JAZF1: variants seen among roughly 807,000 people sequenced by gnomAD.
JAZF1 encodes juxtaposed with another zinc finger protein 1.
Under a neutral mutation model 26.4 loss-of-function variants are expected in JAZF1, and 8 were observed. That is an observed-to-expected ratio of 0.30 (90% confidence interval 0.18 to 0.55). The LOEUF is 0.55. JAZF1 is among the 20% of genes least tolerant of loss of function. The probability of loss-of-function intolerance (pLI) is 0.94; values close to 1 mark genes in which losing one functional copy is unlikely to be tolerated. For synonymous variants in JAZF1, 126 were observed against 122.3 expected (o/e 1.03, Z -0.20); for missense variants, 199 against 322.0 (o/e 0.62, Z 2.92).
chr7:27,930,242 G>A (rs1442465002), intron 2 of JAZF1, among the ~76,000 whole-genome samples: 1 of 152,110 alleles, frequency 6.6e-6, no homozygotes, highest in Non-Finnish European at 1.5e-5. Flanking sequence ...TGATCCGCCC[G>A]CCTTGGCCTC....
chr7:28,047,638 C>T (rs1328492283), intron 1 of JAZF1, among the ~76,000 whole-genome samples: 1 of 151,960 alleles, frequency 6.6e-6, no homozygotes, highest in Non-Finnish European at 1.5e-5. Flanking sequence ...CAGATGAAAA[C>T]AATATTCATT....
chr7:27,898,311 GTT>G (rs370764659), intron 2 of JAZF1, among the ~76,000 whole-genome samples: 2,428 of 111,136 alleles, frequency 0.022, 59 homozygotes, highest in African/African-American at 0.078. Flanking sequence ...ATATACATCG[GTT>G]TTTTTTTTTT....
intron 1 of JAZF1, among the ~76,000 whole-genome samples, chr7:28,099,357 CTTTT>C (rs943815476): frequency 1.4e-5 from 2 of 146,284 alleles, no homozygotes; most frequent in Non-Finnish European, 3.0e-5. Flanking sequence ...GACTAAAAAG[CTTTT>C]TTTTTTCTTT....
chr7:28,105,227 A>G (rs566212856), intron 1 of JAZF1, among the ~76,000 whole-genome samples: 1 of 152,266 alleles, frequency 6.6e-6, no homozygotes, highest in African/African-American at 2.4e-5. Flanking sequence ...CCTGAAGACA[A>G]TTTTGCTGAC....
chr7:28,049,072 C>CCTCTCTCTCTCT (rs1182638919), intron 1 of JAZF1, among the ~76,000 whole-genome samples: 4 of 113,604 alleles, frequency 3.5e-5, no homozygotes, highest in African/African-American at 1.1e-4. Flanking sequence ...TCCCTCCCTT[C>CCTCTCTCTCTCT]CTCTCTCTCT....
intron 1 of JAZF1, among the ~76,000 whole-genome samples, chr7:28,044,158 C>T (rs1344503396): frequency 6.6e-6 from 1 of 152,156 alleles, no homozygotes; most frequent in Admixed American, 6.5e-5. Context: ...AACTTCACCT[C>T]TACTAAAAAA....
At chr7:28,061,489 C>T in intron 1 of JAZF1, among the ~76,000 whole-genome samples, 1 of 152,128 alleles carries the variant, frequency 6.6e-6, no homozygotes. Context: ...CATTTAGGAC[C>T]AAGAGGGAGT....
Position 27,832,718 on chromosome 7 carries a change from A to G in JAZF1, c.*82T>C, listed in dbSNP as rs774215228. ...TTCTTTTTCTTTAAAGGGTTGCTGA[A>G]TGCTTCCCCTGAAAAAAGGTGGCTG... is the stretch of plus-strand genomic sequence containing the variant. On this transcript the variant is annotated 3_prime_UTR_variant, in exon 5 of 5. Coordinates refer to ENST00000283928, the MANE Select transcript of JAZF1 (RefSeq NM_175061.4). 8.5e-7 allele frequency: 1 copy of G among 1,169,920 alleles called. No homozygotes were observed. Among genetic ancestry groups the G allele is most frequent in the Non-Finnish European group, 1.2e-6 (1 of 849,862 alleles). The allele number at this position is 1,169,920 out of a possible 1,614,324, so 72.5% of individuals were successfully genotyped here. A position where few individuals can be genotyped will look rare whatever the true frequency, so the allele number is the denominator to read the frequency against.
Position 28,140,054 on chromosome 7 carries a change from A to G in JAZF1, c.115+40409T>C, listed in dbSNP as rs111915395. Among the ~76,000 whole-genome samples, 557 of 151,396 alleles carry G rather than the reference A, an allele frequency of 3.7e-3. 1 individual carries two copies. The highest frequency in any genetic ancestry group is 0.01 in the Middle Eastern group (3 of 290). The stretch of plus-strand genomic sequence containing the variant: ...ACAAAGTAAGTTCTTCAAGGTCTCC[A>G]GCTCCTATAAAAGTTGAAAGTCACA... On this transcript the variant is annotated intron_variant, in intron 1 of 4. Coordinates refer to ENST00000283928, the MANE Select transcript of JAZF1 (RefSeq NM_175061.4).
At chr7:27,969,000 A>G (rs922224174) in intron 2 of JAZF1, among the ~76,000 whole-genome samples, 5 of 152,174 alleles carry the variant, frequency 3.3e-5, no homozygotes, top group Non-Finnish European at 7.4e-5. Flanking sequence ...ATGGCCCCCA[A>G]TGTCTAAGAG....
At chr7:28,040,540 G>T (rs1246774823) in intron 1 of JAZF1, among the ~76,000 whole-genome samples, 1 of 152,172 alleles carries the variant, frequency 6.6e-6, no homozygotes, top group Non-Finnish European at 1.5e-5. Flanking sequence ...ATCTCAGAGA[G>T]AGGGATACAC....
rs1784310777 is a variant in JAZF1 at position 28,092,290 on chromosome 7, C to CCAAAAAAAAAAAAAAAAAAA, written c.115+88172_115+88173insTTTTTTTTTTTTTTTTTTTG. Among the ~76,000 whole-genome samples the CCAAAAAAAAAAAAAAAAAAA allele has an allele frequency of 6.2e-4, 8 of 12,802 alleles. 1 individual carries two copies. The highest frequency in any genetic ancestry group is 1.7e-3 in the African/African-American group (8 of 4,646). The allele number at this position is 12,802 out of a possible 152,430, so 8.4% of individuals were successfully genotyped here. On this transcript the variant is annotated intron_variant, in intron 1 of 4. Transcript: ENST00000283928. The stretch of plus-strand genomic sequence containing the variant: ...AACATCCCATTTCAGGGACAAAAGG[C>CCAAAAAAAAAAAAAAAAAAA]AAAAAAAAAAAAAAAAAAAAAAAAA...
At chr7:27,839,170 T>A (rs1782876171) in intron 4 of JAZF1, among the ~76,000 whole-genome samples, 1 of 152,176 alleles carries the variant, frequency 6.6e-6, no homozygotes, top group Non-Finnish European at 1.5e-5. Context: ...TAGCTTGTAT[T>A]TCCTTTGTTT....
chr7:27,875,820 T>C (rs1783669729), intron 3 of JAZF1, among the ~76,000 whole-genome samples: 1 of 152,248 alleles, frequency 6.6e-6, no homozygotes, highest in South Asian at 2.1e-4. Context: ...GTTCAGTATA[T>C]TAACCAGACC....
intron 1 of JAZF1, among the ~76,000 whole-genome samples, chr7:28,062,872 G>A (rs1783822764): frequency 6.6e-6 from 1 of 152,144 alleles, no homozygotes; most frequent in Non-Finnish European, 1.5e-5. Context: ...GACTGACACT[G>A]TTTAATTCTC....
At chr7:27,910,775 C>A (rs1382400472) in intron 2 of JAZF1, among the ~76,000 whole-genome samples, 1 of 152,150 alleles carries the variant, frequency 6.6e-6, no homozygotes, top group African/African-American at 2.4e-5. Flanking sequence ...GTCCTGGACA[C>A]CTCTGCACCC....
intron 2 of JAZF1, among the ~76,000 whole-genome samples, chr7:27,935,205 G>A (rs1314919075): frequency 6.6e-6 from 1 of 152,158 alleles, no homozygotes; most frequent in African/African-American, 2.4e-5. Context: ...AATAAGTGTT[G>A]GTGAGGATGT....
chr7:27,911,158 ACG>A (rs1562526744), intron 2 of JAZF1, among the ~76,000 whole-genome samples: 1 of 152,152 alleles, frequency 6.6e-6, no homozygotes, highest in African/African-American at 2.4e-5. Flanking sequence ...GGTGTTCCCA[ACG>A]GTGTGCAAAC....
At chr7:27,947,548 T>C (rs934898067) in intron 2 of JAZF1, among the ~76,000 whole-genome samples, 7 of 152,244 alleles carry the variant, frequency 4.6e-5, no homozygotes, top group African/African-American at 1.7e-4. Flanking sequence ...ATTTACTTCT[T>C]GACAGTTCAC....
Sources: gnomAD v4.1 joint callset for allele counts (sites outside exome capture counted in the v4.1 genomes callset) on GRCh38, gnomAD v4.1.1 for gene constraint, MANE v1.5 for transcripts, NCBI Gene and HGNC (gene_info 2026-07-23, HGNC 2026-07-21) for gene names.